KLF12: variants seen among roughly 807,000 people sequenced by gnomAD.
KLF12 encodes the protein KLF transcription factor 12, also known as Krueppel-like factor 12.
In KLF12, 9 loss-of-function variants were observed where a neutral mutation model predicts 37.8. The ratio of observed to expected loss-of-function variants is 0.24; its 90% CI spans 0.14 to 0.42. The LOEUF is 0.42. KLF12 is among the 10% of genes least tolerant of loss of function. The pLI is 1.00. For synonymous variants in KLF12, 208 were observed against 202.1 expected, an observed-to-expected ratio of 1.03 and a Z score of -0.25; for missense variants, 411 against 516.0, an observed-to-expected ratio of 0.80 and a Z score of 1.97.
chr13:73,858,688 G>C (rs570072945), intron 3 of KLF12, among the ~76,000 whole-genome samples: 2 of 152,114 alleles, frequency 1.3e-5, no homozygotes, highest in African/African-American at 4.8e-5. Context: ...CCTTGCTCTG[G>C]TAACAGCATT....
intron 2 of KLF12, among the ~76,000 whole-genome samples, chr13:73,966,705 A>G (rs1363202589): frequency 6.6e-6 from 1 of 152,196 alleles, no homozygotes; most frequent in Non-Finnish European, 1.5e-5. Flanking sequence ...TCTCCTGTTC[A>G]AGAGACAGCA....
intron 3 of KLF12, among the ~76,000 whole-genome samples, chr13:73,898,357 A>G (rs1257725370): frequency 6.6e-6 from 1 of 152,242 alleles, no homozygotes; most frequent in East Asian, 1.9e-4. Flanking sequence ...TCTTAAAGAA[A>G]ACCTTATTAC....
the KLF12 span, among the ~76,000 whole-genome samples, chr13:74,237,276 G>T: frequency 0.011 from 1,506 of 131,656 alleles, no homozygotes; most frequent in African/African-American, 0.018. Flanking sequence ...ATTTCTGAGG[G>T]CTCTGTTCTG....
intron 1 of KLF12, among the ~76,000 whole-genome samples, chr13:74,068,546 T>C (rs1874046532): frequency 1.4e-5 from 2 of 143,550 alleles, no homozygotes; most frequent in Non-Finnish European, 3.0e-5. Context: ...TATGTTCAAA[T>C]AAAATTTTTT....
At chr13:73,810,500 C>A (rs765435264) in intron 5 of KLF12, among the ~76,000 whole-genome samples, 12 of 151,912 alleles carry the variant, frequency 7.9e-5, no homozygotes, top group Non-Finnish European at 1.8e-4. Flanking sequence ...GATCTCCTGA[C>A]CTTTTGATCC....
At chr13:73,927,988 G>T (rs2139264926) in intron 3 of KLF12, among the ~76,000 whole-genome samples, 1 of 152,068 alleles carries the variant, frequency 6.6e-6, no homozygotes, top group South Asian at 2.1e-4. Context: ...CTCTTGAGTA[G>T]CTGAGATTAC....
At chr13:74,225,623 A>G in the KLF12 span, among the ~76,000 whole-genome samples, 3 of 152,182 alleles carry the variant, frequency 2.0e-5, no homozygotes, top group Admixed American at 1.3e-4. Flanking sequence ...TAAAAAGGTC[A>G]GTGAGATCCA....
intron 2 of KLF12, among the ~76,000 whole-genome samples, chr13:73,971,676 T>C (rs1180047437): frequency 1.3e-5 from 2 of 152,148 alleles, no homozygotes; most frequent in Non-Finnish European, 2.9e-5. Context: ...AGACCTTATG[T>C]AAAACTACTG....
At chr13:73,788,183 T>C (rs137940641) in intron 5 of KLF12, among the ~76,000 whole-genome samples, 3 of 152,330 alleles carry the variant, frequency 2.0e-5, no homozygotes, top group African/African-American at 4.8e-5. Context: ...TTTTGTTATA[T>C]ATTTTCCCTG....
intron 2 of KLF12, among the ~76,000 whole-genome samples, chr13:73,972,549 G>C (rs1891377903): frequency 1.3e-5 from 2 of 149,206 alleles, no homozygotes; most frequent in African/African-American, 5.0e-5. Flanking sequence ...TGGATGTGAA[G>C]GTTGATTCTG....
the KLF12 span, among the ~76,000 whole-genome samples, chr13:74,232,149 A>G: frequency 6.6e-6 from 1 of 152,186 alleles, no homozygotes; most frequent in Non-Finnish European, 1.5e-5. Context: ...AGGTTGTGGG[A>G]CAGTGTGGGA....
chr13:74,214,313 A>T, the KLF12 span, among the ~76,000 whole-genome samples: 1 of 149,072 alleles, frequency 6.7e-6, no homozygotes, highest in Non-Finnish European at 1.5e-5. Context: ...TCCAATGTGT[A>T]CTAGTTTCAC....
chr13:73,890,898 G>C (rs1236474133), intron 3 of KLF12, among the ~76,000 whole-genome samples: 1 of 151,974 alleles, frequency 6.6e-6, no homozygotes, highest in African/African-American at 2.4e-5. Flanking sequence ...AGCCCTTGTG[G>C]TATTTTAAAG....
rs116449408 is a variant in KLF12, at chr13:74,109,388, G to A, written c.-32+24351C>T. On this transcript the variant is annotated intron_variant, in intron 1 of 7. Transcript: ENST00000377669. ...GCTGGAGTGCAGGGAGCACTGGGGG[G>A]AGTAAGTAATTGATTATTTTTAAAA... 5.8e-3 allele frequency among the ~76,000 whole-genome samples: 878 copies of A among 152,024 alleles called. 11 individuals carry two copies. The highest frequency in any genetic ancestry group is 0.02 in the African/African-American group (836 of 41,470).
chr13:74,163,476 G>A, the KLF12 span, among the ~76,000 whole-genome samples: 9 of 152,246 alleles, frequency 5.9e-5, no homozygotes, highest in African/African-American at 2.2e-4. Flanking sequence ...AAATAAGCCA[G>A]GCACAGAAAG....
At chr13:74,163,804 A>T in the KLF12 span, among the ~76,000 whole-genome samples, 1 of 151,386 alleles carries the variant, frequency 6.6e-6, no homozygotes, top group African/African-American at 2.4e-5. Context: ...CTTATTTCAC[A>T]TTGCATGTCT....
chr13:73,972,924 A>T (rs190045211), intron 2 of KLF12, among the ~76,000 whole-genome samples: 1 of 152,160 alleles, frequency 6.6e-6, no homozygotes, highest in Admixed American at 6.5e-5. Context: ...CAGCATATGT[A>T]TCTATCGTAT....
intron 3 of KLF12, among the ~76,000 whole-genome samples, chr13:73,911,579 A>T (rs1031430685): frequency 5.9e-5 from 9 of 152,262 alleles, no homozygotes; most frequent in African/African-American, 9.6e-5. Context: ...ACAGTGGTTT[A>T]GAAGTTCACA....
chr13:73,862,290 A>G (rs1298703572), intron 3 of KLF12, among the ~76,000 whole-genome samples: 2 of 152,302 alleles, frequency 1.3e-5, no homozygotes, highest in Non-Finnish European at 2.9e-5. Context: ...CTGCACATAC[A>G]TTACAGTGTA....
Sources: allele counts gnomAD v4.1 joint callset (sites outside exome capture counted in the v4.1 genomes callset), GRCh38; gene constraint gnomAD v4.1.1; transcripts MANE v1.5; gene names NCBI Gene and HGNC (gene_info 2026-07-23, HGNC 2026-07-21).